Variants in ERBB3 observed in about 807,000 individuals in gnomAD.
ERBB3 encodes receptor tyrosine-protein kinase erbB-3.
In ERBB3, 96 loss-of-function variants were observed where a neutral mutation model predicts 156.7. The ratio of observed to expected loss-of-function variants is 0.61; its 90% CI spans 0.52 to 0.73. The LOEUF is 0.73. Ranked by LOEUF, ERBB3 falls within the 30% of genes least tolerant of loss-of-function variation. The probability of loss-of-function intolerance (pLI) is 0.00; values close to 1 mark genes in which losing one functional copy is unlikely to be tolerated. For missense variants in ERBB3, 1,406 were observed against 1,709.4 expected (o/e 0.82, Z 3.13); for synonymous variants, 567 against 632.0 (o/e 0.90, Z 1.54).
At chr12:56,100,388 T>C (rs1201728866) in intron 26 of ERBB3, 143 bp downstream of exon 26, 3 of 737,714 alleles carry the variant, frequency 4.1e-6, no homozygotes, top group Non-Finnish European at 7.4e-6. Flanking sequence ...ACACCTGTAA[T>C]CCCAGCACTT....
Position 56,087,813 on chromosome 12 carries a change from C to A in ERBB3, c.632C>A (p.Ala211Asp), listed in dbSNP as rs2136793847. The A allele has an allele frequency of 1.2e-6, 2 of 1,613,976 alleles. No homozygotes were observed. Among genetic ancestry groups the A allele is most frequent in the Non-Finnish European group, 1.7e-6 (2 of 1,179,856 alleles). Residue 211 changes from alanine to aspartate, a missense_variant, in exon 6 of 28, where the codon GCT becomes GAT. Physicochemically the swap from Ala to Asp is moderately radical, Grantham distance 126. Coordinates refer to ENST00000267101, the MANE Select transcript of ERBB3 (RefSeq NM_001982.4). ...DCQTLTKTIC[A>D]PQCNGHCFGP... The stretch of plus-strand genomic sequence containing the variant: ...TCCATAGTGACCAAGACCATCTGTG[C>A]TCCTCAGTGTAATGGTCACTGCTTT...
chr12:56,097,275 G>C (rs940818166), intron 20 of ERBB3, 45 bp downstream of exon 20: 14 of 1,582,522 alleles, frequency 8.8e-6, no homozygotes, highest in Admixed American at 1.7e-5. Context: ...CTGCTTGTCT[G>C]GGGGCCAGCC....
In ERBB3 at chr12:56,094,489, G is replaced by C; in HGVS notation, c.1792G>C (p.Gly598Arg). The C allele has an allele frequency of 6.2e-7, 1 of 1,614,150 alleles. No individual in the cohort carries two copies. The highest frequency in any genetic ancestry group is 1.1e-5 in the South Asian group (1 of 91,084). Residue 598 changes from glycine (G) to arginine (R), a missense_variant, in exon 15 of 28, where the codon GGC (glycine) becomes CGC (arginine). Transcript: ENST00000267101. Reference protein sequence around the residue: ...SCPHGVLGAKGPIYKYPDVQN... With the variant: ...SCPHGVLGAKRPIYKYPDVQN... ...CCCCCATGGAGTCCTAGGTGCCAAG[G>C]GCCCAATCTACAAGTACCCAGATGT...
Position 56,099,952 on chromosome 12 carries a change from G to C in ERBB3, c.3052G>C (p.Glu1018Gln), listed in dbSNP as rs779069907. ...AGACCTAGACCTAGACTTGGAAGCA[G>C]AGGAGGACAACCTGGCAACCACCAC... Reference protein sequence around the residue: ...ELDLDLDLEAEEDNLATTTLG... With the variant: ...ELDLDLDLEAQEDNLATTTLG... Residue 1018 changes from glutamate to glutamine, a missense_variant, in exon 25 of 28, where the codon GAG (glutamate) becomes CAG (glutamine). Glu to Gln is a conservative substitution (Grantham distance 29). This residue lies in a region of ERBB3 where 415 missense variants were observed against 454.1 expected (regional missense o/e 0.91). Transcript: ENST00000267101. 2.7e-5 allele frequency: 44 copies of C among 1,614,120 alleles called. No individual in the cohort carries two copies. The highest frequency in any genetic ancestry group is 3.7e-5 in the Non-Finnish European group (44 of 1,180,052).
At position 56,101,500 on chromosome 12, in the gene ERBB3, C is replaced by T. The variant is rs137866164; in HGVS notation, c.3503-29C>T. The T allele has an allele frequency of 5.0e-6, 8 of 1,611,560 alleles. No individual in the cohort carries two copies. In the South Asian group the frequency reaches 8.8e-5, roughly 18 times the overall value. On this transcript the variant is annotated intron_variant, in intron 27 of 27. Transcript: ENST00000267101. ...TCCCCTACCCTCATGAAGTTCTTCA[C>T]ATACCTAGCCTTTCTTCTCAACCCC...
chr12:56,094,593 G>A (rs771708814), intron 15 of ERBB3, 37 bp downstream of exon 15: 52 of 1,608,846 alleles, frequency 3.2e-5, no homozygotes, highest in Admixed American at 1.7e-4. Context: ...GGGTCAGGTG[G>A]AAGGGTAGGA....
intron 9 of ERBB3, among the ~76,000 whole-genome samples, chr12:56,090,655 A>T (rs1868649682): frequency 6.6e-6 from 1 of 151,998 alleles, no homozygotes. Context: ...GCCAAAAAAA[A>T]TACCACATAC....
Position 56,086,589 on chromosome 12 carries a change from A to G in ERBB3, c.480A>G (p.Thr160=). The G allele has an allele frequency of 6.2e-7, 1 of 1,614,116 alleles. No individual in the cohort carries two copies. The highest frequency in any genetic ancestry group is 1.3e-5 in the African/African-American group (1 of 75,046). The change falls in exon 4 of 28, where the codon ACA becomes ACG. Residue 160 remains threonine, a synonymous_variant. Coordinates refer to ENST00000267101, the MANE Select transcript of ERBB3 (RefSeq NM_001982.4). ...ACGATAAGCTTTGTCACATGGACAC[A>G]ATTGACTGGAGGGACATCGTGAGGG... ...EKNDKLCHMD[T]IDWRDIVRDR...
At position 56,080,388 on chromosome 12, in the gene ERBB3, T is replaced by C. The variant is rs1369545322; in HGVS notation, c.82+6T>C. On this transcript the variant is annotated splice_donor_region_variant and intron_variant, in intron 1 of 27. Coordinates refer to ENST00000267101, the MANE Select transcript of ERBB3 (RefSeq NM_001982.4). ...GGTGGGCAACTCTCAGGCAGGTAAG[T>C]GGCGCGAGAGCACCGGCGGGCTCGG... The C allele has an allele frequency of 1.9e-6, 3 of 1,588,266 alleles. No homozygotes were observed. The African/African-American group carries it at 4.0e-5, about 21-fold the overall frequency.
chr12:56,087,605 G>A lies in ERBB3; in HGVS notation c.576G>A (p.Gly192=), dbSNP rs188312953. The stretch of plus-strand genomic sequence containing the variant: ...CCCCCTGTCATGAGGTTTGCAAGGG[G>A]CGATGCTGGGGTCCTGGATCAGAAG... The part of the protein sequence containing the change: ...SCPPCHEVCK[G]RCWGPGSEDC... The change falls in exon 5 of 28, where the codon GGG becomes GGA. Residue 192 remains glycine, a synonymous_variant. Coordinates refer to ENST00000267101, the MANE Select transcript of ERBB3 (RefSeq NM_001982.4). 4.3e-6 allele frequency: 7 copies of A among 1,614,180 alleles called. No individual in the cohort carries two copies. The highest frequency in any genetic ancestry group is 3.3e-5 in the South Asian group (3 of 91,086).
Position 56,093,813 on chromosome 12 carries a change from G to A in ERBB3, c.1530G>A (p.Trp510Ter), listed in dbSNP as rs1431777208. 6.2e-7 allele frequency: 1 copy of A among 1,614,066 alleles called. No homozygotes were observed. Among genetic ancestry groups the A allele is most frequent in the Admixed American group, 1.7e-5 (1 of 60,018 alleles). The change falls in exon 13 of 28, where the codon TGG becomes TGA. Residue 510 changes from tryptophan (W) to a stop codon, truncating the protein, a stop_gained. Transcript: ENST00000267101. LOFTEE classifies it high-confidence loss of function. The stretch of plus-strand genomic sequence containing the variant: ...CACTGTGCTCCTCTGGGGGATGCTG[G>A]GGCCCAGGCCCTGGTCAGTGCTTGT... ...CDPLCSSGGC[W>*]GPGPGQCLSC... is the part of the protein sequence containing the mutation.
Position 56,086,580 on chromosome 12 carries a change from C to T in ERBB3, c.471C>T (p.His157=), listed in dbSNP as rs1868494280. ...TTGAGAAGAACGATAAGCTTTGTCA[C>T]ATGGACACAATTGACTGGAGGGACA... ...VYIEKNDKLC[H]MDTIDWRDIV... is the part of the protein sequence containing the mutation. The change falls in exon 4 of 28, where the codon CAC becomes CAT. Residue 157 remains histidine (H), a synonymous_variant. Transcript: ENST00000267101. 6.2e-7 allele frequency: 1 copy of T among 1,613,920 alleles called. No homozygotes were observed. The highest frequency in any genetic ancestry group is 8.5e-7 in the Non-Finnish European group (1 of 1,179,948).
chr12:56,087,621 G>A lies in ERBB3; in HGVS notation c.592G>A (p.Gly198Arg), dbSNP rs2136793167. 1 of 1,614,142 alleles carries A rather than the reference G, an allele frequency of 6.2e-7. No homozygotes were observed. Among genetic ancestry groups the A allele is most frequent in the Non-Finnish European group, 8.5e-7 (1 of 1,180,006 alleles). The change falls in exon 5 of 28, where the codon GGA (glycine) becomes AGA (arginine). Residue 198 changes from glycine (G) to arginine (R), a missense_variant. Physicochemically the swap from Gly to Arg is moderately radical, Grantham distance 125. Around this residue, in one of 3 missense-constraint regions of ERBB3, gnomAD observed 979 missense variants for 1,219.6 expected, o/e 0.80. Transcript: ENST00000267101. ...EVCKGRCWGP[G>R]SEDCQTLTKT... ...TTGCAAGGGGCGATGCTGGGGTCCT[G>A]GATCAGAAGACTGCCAGACATGTGG...
chr12:56,092,831 G>T lies in ERBB3; in HGVS notation c.1183+11G>T, dbSNP rs1868759695. On this transcript the variant is annotated intron_variant, in intron 10 of 27. Coordinates refer to ENST00000267101, the MANE Select transcript of ERBB3 (RefSeq NM_001982.4). Reference sequence around the variant, plus strand: ...TACGGGAGATCACAGGTGAGTGGCAGAGAGTTTGCCCTTTCTAGAAGAATA... The same window carrying T: ...TACGGGAGATCACAGGTGAGTGGCATAGAGTTTGCCCTTTCTAGAAGAATA... 6.2e-7 allele frequency: 1 copy of T among 1,612,760 alleles called. No homozygotes were observed. Among genetic ancestry groups the T allele is most frequent in the South Asian group, 1.1e-5 (1 of 91,056 alleles).
Position 56,100,405 on chromosome 12 carries a change from G to T in ERBB3, c.3201+160G>T. 5.8e-6 allele frequency: 4 copies of T among 692,070 alleles called. No homozygotes were observed. The East Asian group carries it at 1.1e-4, about 19-fold the overall frequency. The allele number at this position is 692,070 out of a possible 1,614,324, so 42.9% of individuals were successfully genotyped here. The stretch of plus-strand genomic sequence containing the variant: ...ACCTGTAATCCCAGCACTTTGGGAG[G>T]CCAGAGAGAGTGGATCACCTGAGGT... On this transcript the variant is annotated intron_variant, in intron 26 of 27. Coordinates refer to ENST00000267101, the MANE Select transcript of ERBB3 (RefSeq NM_001982.4).
At chr12:56,094,653 A>T in intron 15 of ERBB3, 97 bp downstream of exon 15, 3 of 1,417,912 alleles carry the variant, frequency 2.1e-6, no homozygotes, top group Non-Finnish European at 1.9e-6. Context: ...GCTGTGATTC[A>T]AGAATCACTC....
rs1317403183 is a variant in ERBB3, at chr12:56,102,199, T to G, written c.*144T>G. The G allele has an allele frequency of 5.2e-6, 4 of 764,480 alleles. No homozygotes were observed. Among genetic ancestry groups the G allele is most frequent in the Non-Finnish European group, 8.8e-6 (4 of 456,300 alleles). 47.4% of individuals were successfully genotyped at this position (764,480 alleles called of 1,614,324 possible). On this transcript the variant is annotated 3_prime_UTR_variant, in exon 28 of 28. Transcript: ENST00000267101. ...CAATTCCATTCAATCTTTGGAGGCTTTTAAACATTTTGACACAAAATTCTT... is the reference window on the plus strand; with the variant it reads ...CAATTCCATTCAATCTTTGGAGGCTGTTAAACATTTTGACACAAAATTCTT...
At chr12:56,095,833 T>C (rs1868872718) in intron 17 of ERBB3, 27 bp downstream of exon 17, 3 of 1,613,856 alleles carry the variant, frequency 1.9e-6, no homozygotes, top group Middle Eastern at 1.6e-4. Flanking sequence ...CTTTTGTTTT[T>C]TCTTTTCTTT....
chr12:56,080,141 C>A (rs1161185200), upstream of ERBB3: 25 of 674,594 alleles, frequency 3.7e-5, no homozygotes, highest in Non-Finnish European at 6.7e-5. Context: ...CATCCCTCCC[C>A]GGACTCCGGC....
Sources: allele counts gnomAD v4.1 joint callset (sites outside exome capture counted in the v4.1 genomes callset), GRCh38; gene constraint gnomAD v4.1.1; regional missense constraint gnomAD v4.1.1; transcripts MANE v1.5; gene names NCBI Gene and HGNC (gene_info 2026-07-23, HGNC 2026-07-21).